PANK2: variants seen among roughly 807,000 people sequenced by gnomAD.
The protein encoded by PANK2 is pantothenate kinase 2, mitochondrial.
A neutral mutation model predicts 43.1 loss-of-function variants in PANK2; 36 were observed. The observed-to-expected ratio is 0.84, with a 90% CI of 0.64 to 1.10. The LOEUF (loss-of-function observed/expected upper bound fraction) is 1.10, where lower values mean the gene tolerates loss of function less well. Among genes scored for constraint, PANK2 ranks in the 50% least tolerant of loss-of-function variants. The probability of loss-of-function intolerance (pLI) is 0.00; values close to 1 mark genes in which losing one functional copy is unlikely to be tolerated. For missense variants in PANK2, 576 were observed against 593.3 expected, an observed-to-expected ratio of 0.97 and a Z score of 0.30; for synonymous variants, 281 against 238.2, an observed-to-expected ratio of 1.18 and a Z score of -1.66.
chr20:3,893,976 G>A (rs1452529441), intron 1 of PANK2, among the ~76,000 whole-genome samples: 1 of 145,254 alleles, frequency 6.9e-6, no homozygotes, highest in Non-Finnish European at 1.5e-5. Context: ...TTGTTGCCCA[G>A]GCCAGAGTGC....
chr20:3,897,096 T>G (rs1425267346), intron 1 of PANK2, among the ~76,000 whole-genome samples: 1 of 152,214 alleles, frequency 6.6e-6, no homozygotes, highest in Non-Finnish European at 1.5e-5. Flanking sequence ...TGGTGAGTGC[T>G]GCAGAATTGG....
In PANK2 at chr20:3,891,671, T is replaced by A. The variant is rs566066317; in HGVS notation, c.298+1943T>A. On this transcript the variant is annotated intron_variant, in intron 1 of 6. Transcript: ENST00000610179. ...AATTTTTAGATACTGTGGAAGTACT[T>A]CCAAATATTGAGCATGAGAATGACC... Among the ~76,000 whole-genome samples, 17 of 152,324 alleles carry A rather than the reference T, an allele frequency of 1.1e-4. 1 individual carries two copies. The South Asian group carries it at 2.9e-3, about 26-fold the overall frequency.
chr20:3,908,506 C>A (rs2090422632), intron 2 of PANK2, among the ~76,000 whole-genome samples: 1 of 151,996 alleles, frequency 6.6e-6, no homozygotes, highest in African/African-American at 2.4e-5. Context: ...TTTATTGCTC[C>A]TTTAGTATGA....
intron 5 of PANK2, 59 bp downstream of exon 5, chr20:3,917,109 C>CCAT: frequency 6.2e-7 from 1 of 1,603,768 alleles, no homozygotes; most frequent in South Asian, 1.1e-5. Flanking sequence ...TAAGTGGGCC[C>CCAT]CATCACGTCT....
At chr20:3,892,387 C>T (rs1419241644) in intron 1 of PANK2, among the ~76,000 whole-genome samples, 2 of 151,356 alleles carry the variant, frequency 1.3e-5, no homozygotes, top group African/African-American at 4.9e-5. Context: ...GACTGCCGAA[C>T]CCTCCTAGAG....
chr20:3,923,232 A>G lies in PANK2; in HGVS notation c.1333-12A>G, dbSNP rs749532706. 2.5e-6 allele frequency: 4 copies of G among 1,613,786 alleles called. No individual in the cohort carries two copies. Among genetic ancestry groups the G allele is most frequent in the African/African-American group, 2.7e-5 (2 of 74,812 alleles). On this transcript the variant is annotated splice_polypyrimidine_tract_variant and intron_variant, in intron 6 of 6. Transcript: ENST00000610179. Reference sequence around the variant, plus strand: ...GGAAAATTGCACTTATTTTTGGTGTATTTTCTTTCAGGGTTATTTTGGAGC... The same window carrying G: ...GGAAAATTGCACTTATTTTTGGTGTGTTTTCTTTCAGGGTTATTTTGGAGC...
chr20:3,900,192 G>A (rs2090278635), intron 1 of PANK2, among the ~76,000 whole-genome samples: 1 of 151,928 alleles, frequency 6.6e-6, no homozygotes, highest in Admixed American at 6.6e-5. Flanking sequence ...TTCAGCAAGT[G>A]AGTTAAGTGA....
chr20:3,888,861 C>G, upstream of PANK2: 1 of 484,926 alleles, frequency 2.1e-6, no homozygotes, highest in South Asian at 3.8e-5. Flanking sequence ...GGGCTGGCGG[C>G]CTCGACGGCA....
upstream of PANK2, chr20:3,889,379 G>A (rs1231150239): frequency 6.3e-7 from 1 of 1,574,862 alleles, no homozygotes; most frequent in South Asian, 1.2e-5. Flanking sequence ...GGCCGAGGGC[G>A]CGCCTCTGCT....
chr20:3,902,030 C>T (rs2090309774), intron 1 of PANK2, among the ~76,000 whole-genome samples: 1 of 151,932 alleles, frequency 6.6e-6, no homozygotes, highest in African/African-American at 2.4e-5. Context: ...TTGTCTTCCC[C>T]TTCTCTGCTG....
chr20:3,917,043 T>G lies in PANK2; in HGVS notation c.1199T>G (p.Leu400Arg), dbSNP rs1306077566. Residue 400 changes from leucine to arginine, a missense_variant, in exon 5 of 7, where the codon CTT (leucine) becomes CGT (arginine). Physicochemically the swap from Leu to Arg is moderately radical, Grantham distance 102. Coordinates refer to ENST00000610179, the MANE Select transcript of PANK2 (RefSeq NM_001386393.1). ...GGCTCAATAGCAAGAATGTGTGCCC[T>G]TAATGAAGTAAGGGGACATGGATTT... The G allele has an allele frequency of 3.7e-6, 6 of 1,613,904 alleles. No homozygotes were observed. Among genetic ancestry groups the G allele is most frequent in the Non-Finnish European group, 5.1e-6 (6 of 1,179,964 alleles).
intron 1 of PANK2, chr20:3,901,467 T>C (rs2090300559): frequency 3.1e-6 from 1 of 323,860 alleles, no homozygotes; most frequent in Admixed American, 6.5e-5. Flanking sequence ...TACCTCTAAA[T>C]TTTGACACAT....
chr20:3,923,538 G>GTA lies in PANK2; in HGVS notation c.*249_*250dup, dbSNP rs1600585910. The GTA allele has an allele frequency of 1.1e-4, 61 of 566,488 alleles. No homozygotes were observed. In the East Asian group the frequency reaches 1.8e-3, roughly 17 times the overall value. The allele number at this position is 566,488 out of a possible 1,614,324, so 35.1% of individuals were successfully genotyped here. A position where few individuals can be genotyped will look rare whatever the true frequency, so the allele number is the denominator to read the frequency against. On this transcript the variant is annotated 3_prime_UTR_variant, in exon 7 of 7. Coordinates refer to ENST00000610179, the MANE Select transcript of PANK2 (RefSeq NM_001386393.1). The stretch of plus-strand genomic sequence containing the variant: ...TGTCCAGGCAGTGTGAGGATTTGCT[G>GTA]TATATAAGTTGCCTGCTTTGTATTT...
At chr20:3,904,418 A>G (rs2090353047) in intron 1 of PANK2, among the ~76,000 whole-genome samples, 2 of 151,870 alleles carry the variant, frequency 1.3e-5, no homozygotes, top group Admixed American at 1.3e-4. Flanking sequence ...TTGTCTCTCC[A>G]AAATAGCTGG....
At position 3,926,776 on chromosome 20, in the gene PANK2, C is replaced by A. The variant is rs2090726320; in HGVS notation, c.*3482C>A. ...ACAACATGGTGAAACCCCGTCTCTA[C>A]TGAAAATACAAAAATAATTAGCCGG... is the stretch of plus-strand genomic sequence containing the variant. On this transcript the variant is annotated 3_prime_UTR_variant, in exon 7 of 7. Coordinates refer to ENST00000610179, the MANE Select transcript of PANK2 (RefSeq NM_001386393.1). 2 of 152,090 alleles carry A rather than the reference C, an allele frequency of 1.3e-5. No homozygotes were observed. The highest frequency in any genetic ancestry group is 6.6e-5 in the Admixed American group (1 of 15,248). The allele number at this position is 152,090 out of a possible 1,614,324, so 9.4% of individuals were successfully genotyped here. A position where few individuals can be genotyped will look rare whatever the true frequency, so the allele number is the denominator to read the frequency against.
At chr20:3,910,100 A>G (rs1253617739) in intron 2 of PANK2, among the ~76,000 whole-genome samples, 1 of 152,148 alleles carries the variant, frequency 6.6e-6, no homozygotes, top group African/African-American at 2.4e-5. Flanking sequence ...TTTTGGCTTC[A>G]GTTTGTTAAA....
rs1037083433 is a variant in PANK2 at position 3,889,538 on chromosome 20, G to C, written c.108G>C (p.Ser36=). Residue 36 remains serine (S), a synonymous_variant, in exon 1 of 7, where the codon TCG becomes TCC. Transcript: ENST00000610179. ...GGGCTTCCGCCACCTCCGTCTCGTC[G>C]GCTGGGGAGCAGGCGGCCGGGGACC... is the stretch of plus-strand genomic sequence containing the variant. 1.2e-4 allele frequency: 170 copies of C among 1,421,858 alleles called. No individual in the cohort carries two copies. Among genetic ancestry groups the C allele is most frequent in the Non-Finnish European group, 1.5e-4 (160 of 1,098,886 alleles). 88.1% of individuals were successfully genotyped at this position (1,421,858 alleles called of 1,614,324 possible).
intron 1 of PANK2, among the ~76,000 whole-genome samples, chr20:3,903,536 G>C (rs906210124): frequency 7.1e-6 from 1 of 141,624 alleles, no homozygotes; most frequent in African/African-American, 2.7e-5. Context: ...GCATGATCTC[G>C]GCTAACTGTA....
intron 1 of PANK2, among the ~76,000 whole-genome samples, chr20:3,893,597 G>A (rs1002126530): frequency 2.6e-5 from 4 of 152,120 alleles, no homozygotes; most frequent in African/African-American, 7.2e-5. Flanking sequence ...AAGATGACTC[G>A]CAAGGCATGT....
Sources: gnomAD v4.1 joint callset for allele counts (sites outside exome capture counted in the v4.1 genomes callset) on GRCh38, gnomAD v4.1.1 for gene constraint, MANE v1.5 for transcripts, NCBI Gene and HGNC (gene_info 2026-07-23, HGNC 2026-07-21) for gene names.